The following MEGF10 variants were observed in gnomAD, a reference collection of about 807,000 sequenced individuals.
MEGF10 encodes multiple EGF like domains 10.
Under a neutral mutation model 147.5 loss-of-function variants are expected in MEGF10, and 86 were observed. The ratio of observed to expected loss-of-function variants is 0.58; its 90% confidence interval spans 0.49 to 0.70. The LOEUF (loss-of-function observed/expected upper bound fraction) is 0.70. MEGF10 is among the 30% of genes least tolerant of loss of function. The pLI, the probability that MEGF10 is intolerant of heterozygous loss-of-function variation, is 0.00. For missense variants in MEGF10, 1,329 were observed against 1,487.3 expected (o/e 0.89, Z 1.75); for synonymous variants, 478 against 525.5 (o/e 0.91, Z 1.24).
At chr5:127,232,299 G>A in the MEGF10 span, among the ~76,000 whole-genome samples, 1 of 152,204 alleles carries the variant, frequency 6.6e-6, no homozygotes, top group African/African-American at 2.4e-5. Context: ...GCATCCAGAA[G>A]CTTTCTCTCC....
chr5:127,401,010 T>G (rs1764108110), intron 7 of MEGF10, among the ~76,000 whole-genome samples: 1 of 152,242 alleles, frequency 6.6e-6, no homozygotes, highest in African/African-American at 2.4e-5. Context: ...AGAGAAATCA[T>G]GTCCTCTTTA....
intron 5 of MEGF10, among the ~76,000 whole-genome samples, chr5:127,380,613 G>A (rs1763217364): frequency 6.6e-6 from 1 of 151,906 alleles, no homozygotes; most frequent in Non-Finnish European, 1.5e-5. Context: ...CGCCTCCTGG[G>A]TTCAAACGAT....
chr5:127,442,025 A>T (rs1765775984), intron 18 of MEGF10, among the ~76,000 whole-genome samples: 1 of 152,258 alleles, frequency 6.6e-6, no homozygotes, highest in South Asian at 2.1e-4. Context: ...ACACAGTTGC[A>T]TACATAACTC....
chr5:127,317,211 T>C (rs1760591926), intron 1 of MEGF10, among the ~76,000 whole-genome samples: 1 of 152,208 alleles, frequency 6.6e-6, no homozygotes, highest in South Asian at 2.1e-4. Context: ...AAGTTCTTTG[T>C]AGATTCTGGA....
chr5:127,455,512 G>A lies in MEGF10; in HGVS notation c.3137G>A (p.Cys1046Tyr), dbSNP rs1455198786. 3.1e-6 allele frequency: 5 copies of A among 1,614,014 alleles called. No individual in the cohort carries two copies. In the Admixed American group the frequency reaches 6.7e-5, roughly 22 times the overall value. Residue 1046 changes from cysteine (C) to tyrosine (Y), a missense_variant, in exon 24 of 25, where the codon TGT (cysteine) becomes TAT (tyrosine). Transcript: ENST00000503335. ...PPVLIPKSSE[C>Y]GYVEMKSPAR... is the part of the protein sequence containing the mutation. ...GTACTTATCCCGAAAAGCTCAGAGT[G>A]TGGTTATGTGGAGATGAAATCGCCG... is the stretch of plus-strand genomic sequence containing the variant.
chr5:127,411,571 C>CGCGT (rs769172777), intron 9 of MEGF10, among the ~76,000 whole-genome samples: 1,668 of 151,160 alleles, frequency 0.011, 20 homozygotes, highest in Middle Eastern at 0.017. Flanking sequence ...TGTGTGTGTG[C>CGCGT]GCGCATATGT....
At chr5:127,298,026 A>C (rs189886414) in intron 1 of MEGF10, among the ~76,000 whole-genome samples, 2 of 152,320 alleles carry the variant, frequency 1.3e-5, no homozygotes, top group Non-Finnish European at 2.9e-5. Context: ...GCCACGAATA[A>C]CCTTCACTTC....
At chr5:127,401,897 C>T (rs191997471) in intron 7 of MEGF10, among the ~76,000 whole-genome samples, 1 of 152,230 alleles carries the variant, frequency 6.6e-6, no homozygotes, top group Admixed American at 6.5e-5. Flanking sequence ...AATAAGTTTT[C>T]CTATTGATCT....
the MEGF10 span, among the ~76,000 whole-genome samples, chr5:127,266,621 A>G: frequency 6.6e-6 from 1 of 152,072 alleles, no homozygotes; most frequent in Non-Finnish European, 1.5e-5. Context: ...TAGTTCTCCT[A>G]GAAGAGGTCC....
the MEGF10 span, among the ~76,000 whole-genome samples, chr5:127,277,363 G>A: frequency 6.6e-6 from 1 of 152,172 alleles, no homozygotes; most frequent in Non-Finnish European, 1.5e-5. Flanking sequence ...GGCCAGCTCT[G>A]TGGGCCTATT....
At chr5:127,288,031 A>G (rs191061273), upstream of MEGF10, among the ~76,000 whole-genome samples, 327 of 152,194 alleles carry the variant, frequency 2.1e-3, 3 homozygotes, top group Non-Finnish European at 3.8e-3. Context: ...TGGTGCCAAA[A>G]CAACTGGATA....
chr5:127,341,126 T>C lies in MEGF10; in HGVS notation c.319+496T>C, dbSNP rs189281168. On this transcript the variant is annotated intron_variant, in intron 4 of 24. Coordinates refer to ENST00000503335, the MANE Select transcript of MEGF10 (RefSeq NM_001256545.2). ...ATCACAAAATAGAACTTCTTTTCAT[T>C]GTCATTTTCCCTCTTCTCTACCCTC... Among the ~76,000 whole-genome samples, 259 of 152,280 alleles carry C rather than the reference T, an allele frequency of 1.7e-3. 2 individuals carry two copies. Among genetic ancestry groups the C allele is most frequent in the Middle Eastern group, 6.8e-3 (2 of 294 alleles).
At chr5:127,344,597 T>G (rs1289094193) in intron 4 of MEGF10, among the ~76,000 whole-genome samples, 1 of 152,036 alleles carries the variant, frequency 6.6e-6, no homozygotes, top group Non-Finnish European at 1.5e-5. Context: ...CTCAGCTGCA[T>G]CTCATTACAT....
intron 3 of MEGF10, among the ~76,000 whole-genome samples, chr5:127,340,025 C>A (rs565194640): frequency 6.6e-6 from 1 of 152,236 alleles, no homozygotes; most frequent in East Asian, 1.9e-4. Context: ...TCCTTGAGAG[C>A]AAGGGATTTG....
At chr5:127,283,639 G>A in the MEGF10 span, among the ~76,000 whole-genome samples, 2 of 152,318 alleles carry the variant, frequency 1.3e-5, no homozygotes, top group Admixed American at 6.5e-5. Context: ...AGAAACAGAA[G>A]CATCCACGTA....
chr5:127,309,995 T>TTCTG (rs1163336101), intron 1 of MEGF10, among the ~76,000 whole-genome samples: 4 of 75,458 alleles, frequency 5.3e-5, no homozygotes, highest in Non-Finnish European at 1.2e-4. Context: ...CTTTCTTTCT[T>TTCTG]TCCTTCCTTC....
intron 4 of MEGF10, among the ~76,000 whole-genome samples, chr5:127,368,772 A>G (rs1762744888): frequency 6.6e-6 from 1 of 152,190 alleles, no homozygotes; most frequent in South Asian, 2.1e-4. Context: ...ACATATATAC[A>G]CACATATTAA....
At chr5:127,359,821 A>G (rs959479940) in intron 4 of MEGF10, among the ~76,000 whole-genome samples, 14 of 152,116 alleles carry the variant, frequency 9.2e-5, no homozygotes, top group African/African-American at 3.4e-4. Flanking sequence ...ATTACACATA[A>G]AACTTCTCTG....
intron 4 of MEGF10, among the ~76,000 whole-genome samples, chr5:127,352,812 T>C (rs1204142023): frequency 6.6e-6 from 1 of 151,968 alleles, no homozygotes; most frequent in Non-Finnish European, 1.5e-5. Context: ...CAGTGGCAAA[T>C]GAAAGAGAAA....
Sources: gnomAD v4.1 joint callset for allele counts (sites outside exome capture counted in the v4.1 genomes callset) on GRCh38, gnomAD v4.1.1 for gene constraint, MANE v1.5 for transcripts, NCBI Gene and HGNC (gene_info 2026-07-23, HGNC 2026-07-21) for gene names.